Variants in TBL1Y observed in about 807,000 individuals in gnomAD.
TBL1Y encodes transducin beta like 1 Y-linked.
TBL1Y carries 15 observed loss-of-function variants against 12.0 expected under a neutral mutation model. The ratio of observed to expected loss-of-function variants is 1.25; its 90% CI spans 0.83 to 1.92. The LOEUF (loss-of-function observed/expected upper bound fraction) is 1.92, where lower values mean the gene tolerates loss of function less well. TBL1Y is among the 40% of genes most tolerant of loss of function. The pLI, the probability that TBL1Y is intolerant of heterozygous loss-of-function variation, is 0.00. For synonymous variants in TBL1Y, 53 were observed against 42.6 expected (o/e 1.24, Z -0.95); for missense variants, 148 against 116.7 (o/e 1.27, Z -1.24).
At chrY:6,944,010 T>A (rs2011969577) in intron 2 of TBL1Y, among the ~76,000 whole-genome samples, 23 of 33,760 alleles carry the variant, frequency 6.8e-4, no homozygotes, top group Admixed American at 5.6e-3. Flanking sequence ...CTGGGCCACA[T>A]CACTCACACT....
At chrY:7,018,182 C>T (rs939684822) in intron 4 of TBL1Y, among the ~76,000 whole-genome samples, 2 of 33,614 alleles carry the variant, frequency 5.9e-5, no homozygotes, top group Non-Finnish European at 1.5e-4. Context: ...TGATTTTTCA[C>T]AATAAAAGTA....
At chrY:6,984,703 C>A (rs931771175) in intron 3 of TBL1Y, among the ~76,000 whole-genome samples, 1 of 34,139 alleles carries the variant, frequency 2.9e-5, no homozygotes. Context: ...CAGCTACCCC[C>A]TGTAGGTTTC....
intron 7 of TBL1Y, among the ~76,000 whole-genome samples, chrY:7,059,966 CT>C (rs2012848694): frequency 3.0e-5 from 1 of 33,117 alleles, no homozygotes. Context: ...TCTTCTTAAC[CT>C]TTCATGATTT....
At chrY:7,070,133 G>A in intron 8 of TBL1Y, 63 bp from the exon 9 acceptor site, 1 of 355,821 alleles carries the variant, frequency 2.8e-6, no homozygotes, top group Non-Finnish European at 4.1e-6. Flanking sequence ...AAACAAAAGT[G>A]CCCTTTAAAT....
chrY:7,022,263 T>A (rs762231401), intron 5 of TBL1Y, among the ~76,000 whole-genome samples: 6 of 32,313 alleles, frequency 1.9e-4, no homozygotes, highest in African/African-American at 3.6e-4. Context: ...TTTTTTTTTT[T>A]AAAACTATAG....
At chrY:7,055,165 C>T in intron 7 of TBL1Y, among the ~76,000 whole-genome samples, 1 of 33,770 alleles carries the variant, frequency 3.0e-5, no homozygotes, top group Admixed American at 2.6e-4. Flanking sequence ...AGTTACAAGT[C>T]ATTTACTCAG....
intron 2 of TBL1Y, among the ~76,000 whole-genome samples, chrY:6,932,310 C>T (rs2011870291): frequency 2.9e-5 from 1 of 34,203 alleles, no homozygotes; most frequent in Non-Finnish European, 7.3e-5. Flanking sequence ...TTTCATTTAA[C>T]TTAGAATTAT....
At chrY:6,999,646 T>G in intron 4 of TBL1Y, among the ~76,000 whole-genome samples, 3 of 29,680 alleles carry the variant, frequency 1.0e-4, no homozygotes, top group South Asian at 8.2e-4. Context: ...TTTGTTTTTT[T>G]TTTTTTTTTT....
intron 6 of TBL1Y, among the ~76,000 whole-genome samples, chrY:7,039,616 T>C (rs2012712180): frequency 3.0e-5 from 1 of 33,585 alleles, no homozygotes; most frequent in East Asian, 8.0e-4. Flanking sequence ...GCAGGCATTA[T>C]GCTGTCCCTA....
chrY:7,063,431 C>G (rs2012907091), intron 7 of TBL1Y, among the ~76,000 whole-genome samples: 1 of 32,484 alleles, frequency 3.1e-5, no homozygotes, highest in African/African-American at 1.2e-4. Flanking sequence ...TTCCGATTGG[C>G]TAATTTCAAG....
chrY:7,020,741 T>G (rs777400093), intron 4 of TBL1Y, among the ~76,000 whole-genome samples: 47 of 34,029 alleles, frequency 1.4e-3, no homozygotes, highest in African/African-American at 5.2e-3. Flanking sequence ...AGAGGATGAT[T>G]GCTTTATGAG....
At chrY:7,063,224 C>T (rs748086215) in intron 7 of TBL1Y, among the ~76,000 whole-genome samples, 56 of 33,510 alleles carry the variant, frequency 1.7e-3, no homozygotes, top group Non-Finnish European at 7.4e-5. Context: ...AAAGAAATAG[C>T]ATTCGAATAT....
intron 6 of TBL1Y, among the ~76,000 whole-genome samples, chrY:7,029,828 C>T (rs911157169): frequency 6.0e-5 from 2 of 33,524 alleles, no homozygotes; most frequent in African/African-American, 1.2e-4. Context: ...GAGAGTGTGA[C>T]GTCTTTTATT....
intron 2 of TBL1Y, among the ~76,000 whole-genome samples, chrY:6,924,326 C>T: frequency 1.5e-4 from 5 of 32,495 alleles, no homozygotes; most frequent in Non-Finnish European, 3.7e-4. Context: ...CGGTGGCTCA[C>T]GCCTGTAATT....
At chrY:7,064,836 G>A (rs370035699) in intron 8 of TBL1Y, among the ~76,000 whole-genome samples, 2 of 33,664 alleles carry the variant, frequency 5.9e-5, no homozygotes, top group East Asian at 1.6e-3. Flanking sequence ...TGCCTCTCTG[G>A]CTGGAGAATC....
At chrY:7,080,455 G>A in intron 13 of TBL1Y, among the ~76,000 whole-genome samples, 1 of 32,356 alleles carries the variant, frequency 3.1e-5, no homozygotes, top group Non-Finnish European at 7.5e-5. Flanking sequence ...TAGTGTGGTG[G>A]CATACACCTG....
intron 3 of TBL1Y, among the ~76,000 whole-genome samples, chrY:6,982,686 A>G: frequency 3.0e-5 from 1 of 33,810 alleles, no homozygotes; most frequent in Non-Finnish European, 7.3e-5. Context: ...ATAAAAGTGT[A>G]GAGCAGGGAT....
intron 4 of TBL1Y, among the ~76,000 whole-genome samples, chrY:7,010,057 C>T (rs1603037870): frequency 1.5e-4 from 4 of 27,128 alleles, no homozygotes; most frequent in African/African-American, 5.7e-4. Flanking sequence ...AAACCAACAA[C>T]AGAAAGAAAA....
intron 2 of TBL1Y, among the ~76,000 whole-genome samples, chrY:6,974,029 C>T (rs2124123857): frequency 3.0e-5 from 1 of 33,555 alleles, no homozygotes; most frequent in Non-Finnish European, 7.3e-5. Context: ...TGTAGAGACC[C>T]AGGATGCTGC....
Sources: allele counts gnomAD v4.1 joint callset (sites outside exome capture counted in the v4.1 genomes callset), GRCh38; gene constraint gnomAD v4.1.1; transcripts MANE v1.5; gene names NCBI Gene and HGNC (gene_info 2026-07-23, HGNC 2026-07-21).